BAALC: variants seen among roughly 807,000 people sequenced by gnomAD.
BAALC encodes BAALC binder of MAP3K1 and KLF4.
In BAALC, 9 loss-of-function variants were observed where a neutral mutation model predicts 15.5. The observed-to-expected ratio is 0.58, with a 90% confidence interval of 0.35 to 1.02. The LOEUF (loss-of-function observed/expected upper bound fraction) is 1.02, where lower values mean the gene tolerates loss of function less well. Among genes scored for constraint, BAALC ranks in the 50% least tolerant of loss-of-function variants. The pLI, the probability that BAALC is intolerant of heterozygous loss-of-function variation, is 0.02. For synonymous variants in BAALC, 80 were observed against 74.6 expected (o/e 1.07, Z -0.37); for missense variants, 201 against 192.4 (o/e 1.04, Z -0.27).
At chr8:103,149,338 T>C (rs1810937144) in intron 1 of BAALC, among the ~76,000 whole-genome samples, 1 of 152,178 alleles carries the variant, frequency 6.6e-6, no homozygotes, top group Admixed American at 6.5e-5. Flanking sequence ...ATAGAAAGGG[T>C]TGCAGGAGGT....
rs867267989 is a variant in BAALC at position 103,141,051 on chromosome 8, C to T, written c.154C>T (p.His52Tyr). Reference sequence around the variant, plus strand: ...CAGCGGCCCCGAAGCGGGCGGCCTGCACTCGGGTAAGTGGCCGGGCCCCTG... The same window carrying T: ...CAGCGGCCCCGAAGCGGGCGGCCTGTACTCGGGTAAGTGGCCGGGCCCCTG... ...PDSGPEAGGL[H>Y]SGMLEDGLPS... The change falls in exon 1 of 3, where the codon CAC becomes TAC. Residue 52 changes from histidine to tyrosine, a missense_variant. Physicochemically the swap from His to Tyr is moderately conservative, Grantham distance 83. Coordinates refer to ENST00000309982, the MANE Select transcript of BAALC (RefSeq NM_024812.3). 1 of 1,496,078 alleles carries T rather than the reference C, an allele frequency of 6.7e-7. No homozygotes were observed. Among genetic ancestry groups the T allele is most frequent in the South Asian group, 1.3e-5 (1 of 78,632 alleles). 92.7% of individuals were successfully genotyped at this position (1,496,078 alleles called of 1,614,324 possible).
intron 1 of BAALC, among the ~76,000 whole-genome samples, chr8:103,169,102 A>G (rs1168163343): frequency 2.0e-5 from 3 of 151,928 alleles, no homozygotes; most frequent in African/African-American, 4.8e-5. Flanking sequence ...AGTTATTATT[A>G]TTATTATATT....
intron 1 of BAALC, among the ~76,000 whole-genome samples, chr8:103,187,791 T>C (rs1718010126): frequency 6.6e-6 from 1 of 152,078 alleles, no homozygotes; most frequent in South Asian, 2.1e-4. Context: ...GACCCCTTAA[T>C]CCCTAATGCA....
intron 1 of BAALC, among the ~76,000 whole-genome samples, chr8:103,202,492 T>C (rs1812239599): frequency 6.6e-6 from 1 of 152,194 alleles, no homozygotes. Flanking sequence ...AAATATCTCT[T>C]GGTTAAGCCA....
At chr8:103,163,624 G>T in intron 1 of BAALC, among the ~76,000 whole-genome samples, 1 of 152,234 alleles carries the variant, frequency 6.6e-6, no homozygotes, top group Non-Finnish European at 1.5e-5. Context: ...GAAATGAATG[G>T]TTGCAGTGAA....
In BAALC at chr8:103,208,031, A is replaced by G. The variant is rs112422787; in HGVS notation, c.161-4888A>G. On this transcript the variant is annotated intron_variant, in intron 1 of 2. Coordinates refer to ENST00000309982, the MANE Select transcript of BAALC (RefSeq NM_024812.3). Reference sequence around the variant, plus strand: ...TTGTTTGGCAAATGCCAATCCCCCAAGCTGGCCCTGGTTGTCACAGAGCTT... The same window carrying G: ...TTGTTTGGCAAATGCCAATCCCCCAGGCTGGCCCTGGTTGTCACAGAGCTT... Among the ~76,000 whole-genome samples the G allele has an allele frequency of 5.9e-3, 892 of 152,336 alleles. 7 individuals carry two copies. Among genetic ancestry groups the G allele is most frequent in the African/African-American group, 0.019 (782 of 41,576 alleles).
chr8:103,162,841 C>T (rs1811258890), intron 1 of BAALC, among the ~76,000 whole-genome samples: 1 of 152,082 alleles, frequency 6.6e-6, no homozygotes, highest in Admixed American at 6.6e-5. Context: ...CACGAGACTC[C>T]AGGGTCAGAA....
intron 1 of BAALC, among the ~76,000 whole-genome samples, chr8:103,170,064 C>T (rs1001460466): frequency 6.6e-5 from 10 of 152,176 alleles, no homozygotes; most frequent in Non-Finnish European, 1.3e-4. Flanking sequence ...TTGCTTATCT[C>T]CTTCCCAGCT....
chr8:103,161,535 C>T (rs576236013), intron 1 of BAALC, among the ~76,000 whole-genome samples: 2 of 152,250 alleles, frequency 1.3e-5, no homozygotes, highest in African/African-American at 4.8e-5. Context: ...AAACCAGTCT[C>T]CTACTGATGG....
intron 1 of BAALC, among the ~76,000 whole-genome samples, chr8:103,173,334 G>T (rs994921049): frequency 6.6e-6 from 1 of 152,108 alleles, no homozygotes; most frequent in Non-Finnish European, 1.5e-5. Flanking sequence ...GCTTTCATCC[G>T]TGATGCCATT....
chr8:103,224,705 A>C (rs1812765026), intron 2 of BAALC, among the ~76,000 whole-genome samples: 1 of 152,106 alleles, frequency 6.6e-6, no homozygotes, highest in Non-Finnish European at 1.5e-5. Flanking sequence ...AAGGAAGGGG[A>C]AAGGGGATTC....
rs114401556 is a variant in BAALC at position 103,216,841 on chromosome 8, A to C, written c.327+3756A>C. Among the ~76,000 whole-genome samples the C allele has an allele frequency of 5.9e-3, 901 of 152,316 alleles. 5 individuals are homozygous for C. Among genetic ancestry groups the C allele is most frequent in the African/African-American group, 0.019 (805 of 41,570 alleles). The stretch of plus-strand genomic sequence containing the variant: ...AGGGTGCAAAGCACTTTGTTATGTT[A>C]TCTCTTAATCCTCACACTAACTCTA... On this transcript the variant is annotated intron_variant, in intron 2 of 2. Transcript: ENST00000309982.
chr8:103,217,096 C>A (rs1247770145), intron 2 of BAALC, among the ~76,000 whole-genome samples: 1 of 152,204 alleles, frequency 6.6e-6, no homozygotes, highest in Admixed American at 6.5e-5. Context: ...CACCCCTGGG[C>A]AGATGATGCA....
chr8:103,142,133 C>T (rs1810791440), intron 1 of BAALC, among the ~76,000 whole-genome samples: 1 of 152,180 alleles, frequency 6.6e-6, no homozygotes, highest in Non-Finnish European at 1.5e-5. Context: ...TAATTTGAAG[C>T]ATAATGTATA....
rs1174467946 is a variant in BAALC at position 103,228,457 on chromosome 8, A to G, written c.*358A>G. 5.2e-6 allele frequency: 1 copy of G among 192,826 alleles called. No individual in the cohort carries two copies. The highest frequency in any genetic ancestry group is 1.4e-4 in the East Asian group (1 of 6,944). 11.9% of individuals were successfully genotyped at this position (192,826 alleles called of 1,614,324 possible). The stretch of plus-strand genomic sequence containing the variant: ...TAGGAATGCATTTTCTGGGTGAAAG[A>G]GTCACACCTTAGTGCTATAACTCTC... On this transcript the variant is annotated 3_prime_UTR_variant, in exon 3 of 3. Coordinates refer to ENST00000309982, the MANE Select transcript of BAALC (RefSeq NM_024812.3).
intron 1 of BAALC, among the ~76,000 whole-genome samples, chr8:103,211,357 C>T (rs531910615): frequency 7.2e-5 from 11 of 152,190 alleles, no homozygotes; most frequent in African/African-American, 2.4e-4. Flanking sequence ...TTCTGTCTAT[C>T]GTGTTATTCA....
intron 2 of BAALC, among the ~76,000 whole-genome samples, chr8:103,221,094 A>C (rs1490395220): frequency 2.0e-5 from 3 of 152,184 alleles, no homozygotes; most frequent in Non-Finnish European, 4.4e-5. Flanking sequence ...CCTCCACAGG[A>C]AATGGGCTGA....
Position 103,229,578 on chromosome 8 carries a change from G to A in BAALC, c.*1479G>A, listed in dbSNP as rs1456319769. ...CTATGCAGATGTTGAGGGATTTGGGGTCTGGTTAGTCGTGACTATCTATCC... is the reference window on the plus strand; with the variant it reads ...CTATGCAGATGTTGAGGGATTTGGGATCTGGTTAGTCGTGACTATCTATCC... On this transcript the variant is annotated 3_prime_UTR_variant, in exon 3 of 3. Transcript: ENST00000309982. The A allele has an allele frequency of 6.6e-6, 1 of 152,184 alleles. No homozygotes were observed. Among genetic ancestry groups the A allele is most frequent in the Non-Finnish European group, 1.5e-5 (1 of 68,034 alleles). 9.4% of individuals were successfully genotyped at this position (152,184 alleles called of 1,614,324 possible).
At chr8:103,172,940 C>T (rs1424149790) in intron 1 of BAALC, among the ~76,000 whole-genome samples, 4 of 152,226 alleles carry the variant, frequency 2.6e-5, no homozygotes, top group East Asian at 1.9e-4. Context: ...GAGAGAGGTG[C>T]AAACCAGGCC....
Sources: gnomAD v4.1 joint callset for allele counts (sites outside exome capture counted in the v4.1 genomes callset) on GRCh38, gnomAD v4.1.1 for gene constraint, MANE v1.5 for transcripts, NCBI Gene and HGNC (gene_info 2026-07-23, HGNC 2026-07-21) for gene names.